TRPM8: variants seen among roughly 807,000 people sequenced by gnomAD.
The protein encoded by TRPM8 is transient receptor potential cation channel subfamily M member 8, also known as TRPM8 cationic channel.
Under a neutral mutation model 133.7 loss-of-function variants are expected in TRPM8, and 110 were observed. The ratio of observed to expected loss-of-function variants is 0.82; its 90% confidence interval spans 0.70 to 0.96. The LOEUF (loss-of-function observed/expected upper bound fraction) is 0.96. Among genes scored for constraint, TRPM8 ranks in the 40% least tolerant of loss-of-function variants. TRPM8 has a pLI of 0.00. For missense variants in TRPM8, 1,291 were observed against 1,379.5 expected, an observed-to-expected ratio of 0.94 and a Z score of 1.02; for synonymous variants, 535 against 532.3, an observed-to-expected ratio of 1.01 and a Z score of -0.07.
chr2:233,952,176 G>C (rs990289441), intron 9 of TRPM8, among the ~76,000 whole-genome samples: 6 of 152,124 alleles, frequency 3.9e-5, no homozygotes, highest in African/African-American at 1.4e-4. Flanking sequence ...CACATACTGC[G>C]TGCCGGGTTC....
rs528250600 is a variant in TRPM8 at position 233,984,095 on chromosome 2, T to G, written c.2761+871T>G. ...CATAACAACCCTCCACGTCCGTCAT[T>G]TTAGCTCCATGAGGATCTAAAGAGG... On this transcript the variant is annotated intron_variant, in intron 20 of 25. Transcript: ENST00000324695. 8.5e-5 allele frequency among the ~76,000 whole-genome samples: 13 copies of G among 152,310 alleles called. 1 individual carries two copies. The South Asian group carries it at 2.7e-3, about 32-fold the overall frequency.
intron 2 of TRPM8, 42 bp downstream of exon 2, chr2:233,926,696 A>AC (rs752894752): frequency 2.7e-6 from 4 of 1,488,806 alleles, no homozygotes. Context: ...TATCATTGTA[A>AC]CCTTCGTAAG....
intron 21 of TRPM8, among the ~76,000 whole-genome samples, chr2:233,990,264 C>A (rs922092322): frequency 6.6e-6 from 1 of 152,150 alleles, no homozygotes; most frequent in African/African-American, 2.4e-5. Context: ...TGGGCTAGTT[C>A]AGGTTCTTGA....
intron 1 of TRPM8, among the ~76,000 whole-genome samples, chr2:233,919,264 T>C (rs1691363237): frequency 6.6e-6 from 1 of 152,188 alleles, no homozygotes; most frequent in Admixed American, 6.5e-5. Context: ...ACTTCTAGAC[T>C]ATTTAAAATT....
At chr2:233,930,611 A>G (rs1252229587) in intron 2 of TRPM8, 57 bp from the exon 3 acceptor site, 10 of 1,220,646 alleles carry the variant, frequency 8.2e-6, no homozygotes, top group Non-Finnish European at 1.2e-5. Flanking sequence ...ATTCATCAAT[A>G]TCAGCAAGGG....
At chr2:233,973,061 T>C (rs1400059359) in intron 17 of TRPM8, among the ~76,000 whole-genome samples, 1 of 152,216 alleles carries the variant, frequency 6.6e-6, no homozygotes, top group African/African-American at 2.4e-5. Flanking sequence ...CTCATGTCAG[T>C]GTTGAACAGC....
At chr2:233,927,142 A>G (rs1225326926) in intron 2 of TRPM8, among the ~76,000 whole-genome samples, 1 of 151,886 alleles carries the variant, frequency 6.6e-6, no homozygotes, top group African/African-American at 2.4e-5. Context: ...CCTGTCCAAC[A>G]CTCTCATTTG....
At chr2:233,967,224 T>G (rs28902180) in intron 15 of TRPM8, among the ~76,000 whole-genome samples, 1 of 152,358 alleles carries the variant, frequency 6.6e-6, no homozygotes, top group African/African-American at 2.4e-5. Context: ...CAGTTATTAT[T>G]AGTAGTGATA....
rs188650567 is a variant in TRPM8 at position 234,011,966 on chromosome 2, A to G, written c.3265-2596A>G. Among the ~76,000 whole-genome samples the G allele has an allele frequency of 2.8e-3, 419 of 149,298 alleles. 1 individual carries two copies. The highest frequency in any genetic ancestry group is 9.8e-3 in the African/African-American group (400 of 40,754). On this transcript the variant is annotated intron_variant, in intron 24 of 25. Coordinates refer to ENST00000324695, the MANE Select transcript of TRPM8 (RefSeq NM_024080.5). ...CCTTTATCAATGTTTTATAATTTCCAGTGTACCAGTCTTTTACTTCTTTGT... is the reference window on the plus strand; with the variant it reads ...CCTTTATCAATGTTTTATAATTTCCGGTGTACCAGTCTTTTACTTCTTTGT...
chr2:233,925,898 A>G (rs947093055), intron 1 of TRPM8, among the ~76,000 whole-genome samples: 1 of 151,986 alleles, frequency 6.6e-6, no homozygotes, highest in Non-Finnish European at 1.5e-5. Flanking sequence ...TGAGAAAAAC[A>G]GAGCAGGGAC....
intron 22 of TRPM8, among the ~76,000 whole-genome samples, chr2:234,004,288 T>C (rs1234235344): frequency 6.6e-6 from 1 of 152,162 alleles, no homozygotes; most frequent in Non-Finnish European, 1.5e-5. Context: ...TTCTCCACCC[T>C]CGGGTGGTGT....
chr2:233,996,593 A>C, intron 22 of TRPM8, 77 bp downstream of exon 22: 5 of 1,299,900 alleles, frequency 3.8e-6, no homozygotes, highest in Non-Finnish European at 5.5e-6. Flanking sequence ...TGTGTATCTC[A>C]ACAGGAAGGA....
intron 22 of TRPM8, among the ~76,000 whole-genome samples, chr2:234,003,167 A>G (rs1692612008): frequency 6.6e-6 from 1 of 152,190 alleles, no homozygotes. Flanking sequence ...TGCTCTCCCT[A>G]TAGCTGTGAG....
At chr2:234,003,658 T>C (rs1692624893) in intron 22 of TRPM8, among the ~76,000 whole-genome samples, 1 of 152,174 alleles carries the variant, frequency 6.6e-6, no homozygotes, top group Non-Finnish European at 1.5e-5. Flanking sequence ...TCATACTTCT[T>C]TCTGAATGAT....
rs1015360388 is a variant in TRPM8 at position 233,989,145 on chromosome 2, G to C, written c.2939+3280G>C. ...TTTTTTGAATCTATGCACATGAGCT[G>C]TCTGAAGGAGCCATTCATGAGAACC... On this transcript the variant is annotated intron_variant, in intron 21 of 25. Transcript: ENST00000324695. The surrounding 1 kb of genome is among the most constrained non-coding windows in gnomAD (Gnocchi z 4.2). 6.6e-6 allele frequency among the ~76,000 whole-genome samples: 1 copy of C among 152,204 alleles called. No homozygotes were observed. Among genetic ancestry groups the C allele is most frequent in the Non-Finnish European group, 1.5e-5 (1 of 68,044 alleles).
intron 4 of TRPM8, among the ~76,000 whole-genome samples, chr2:233,938,709 G>T (rs552225903): frequency 6.6e-6 from 1 of 152,214 alleles, no homozygotes; most frequent in East Asian, 1.9e-4. Context: ...CATTTATCTC[G>T]GTGAGCAGAG....
chr2:233,935,256 A>T (rs537455310), intron 3 of TRPM8, among the ~76,000 whole-genome samples: 17 of 152,324 alleles, frequency 1.1e-4, no homozygotes, highest in African/African-American at 3.8e-4. Context: ...CTCAGTTTGT[A>T]TATCTTTATT....
At chr2:233,925,750 C>T (rs771757379) in intron 1 of TRPM8, among the ~76,000 whole-genome samples, 6 of 152,200 alleles carry the variant, frequency 3.9e-5, no homozygotes, top group Admixed American at 2.0e-4. Flanking sequence ...CTTTCATTTA[C>T]TGTGTCAGCA....
In TRPM8 at chr2:233,980,740, A is replaced by G. The variant is rs939238137; in HGVS notation, c.2447+461A>G. Among the ~76,000 whole-genome samples, 6 of 152,210 alleles carry G rather than the reference A, an allele frequency of 3.9e-5. No homozygotes were observed. In the East Asian group the frequency reaches 9.6e-4, roughly 24 times the overall value. On this transcript the variant is annotated intron_variant, in intron 18 of 25. Transcript: ENST00000324695. ...TGTGGAGTCTGCCCTTCCAGTTACA[A>G]GCGTATTTCCTCAATGGCACAGCCA...
Sources: allele counts gnomAD v4.1 joint callset (sites outside exome capture counted in the v4.1 genomes callset), GRCh38; gene constraint gnomAD v4.1.1; non-coding constraint Gnocchi (gnomAD v3.1); transcripts MANE v1.5; gene names NCBI Gene and HGNC (gene_info 2026-07-23, HGNC 2026-07-21).